The following FXYD3 variants were observed in gnomAD, a reference collection of about 807,000 sequenced individuals.
FXYD3 encodes the protein FXYD domain containing ion transport regulator 3.
In FXYD3, 13 loss-of-function variants were observed where a neutral mutation model predicts 19.2. The ratio of observed to expected loss-of-function variants is 0.68; its 90% confidence interval spans 0.44 to 1.08. The LOEUF is 1.08. Ranked by LOEUF, FXYD3 falls within the 50% of genes least tolerant of loss-of-function variation. The pLI, the probability that FXYD3 is intolerant of heterozygous loss-of-function variation, is 0.00. For missense variants in FXYD3, 101 were observed against 109.4 expected (o/e 0.92, Z 0.34); for synonymous variants, 48 against 38.9 (o/e 1.23, Z -0.87).
intron 2 of FXYD3, 72 bp from the exon 3 acceptor site, chr19:35,119,291 T>C: frequency 6.2e-7 from 1 of 1,609,808 alleles, no homozygotes; most frequent in Non-Finnish European, 8.5e-7. Flanking sequence ...GGGAGGAGGG[T>C]TGGGGAGCCA....
At chr19:35,117,325 G>A in intron 2 of FXYD3, 1 of 1,509,426 alleles carries the variant, frequency 6.6e-7, no homozygotes, top group Admixed American at 2.4e-5. Flanking sequence ...GGGTATAGTG[G>A]GGCCTTGCAG....
intron 2 of FXYD3, chr19:35,119,068 GGAC>G (rs10543115): frequency 0.67 from 563,527 of 839,904 alleles, 190,900 homozygotes; most frequent in Admixed American, 0.71. Context: ...TGTCCAGTGA[GGAC>G]AACAGCGGGC....
chr19:35,118,384 A>T (rs904720276), intron 2 of FXYD3: 83 of 603,502 alleles, frequency 1.4e-4, no homozygotes, highest in African/African-American at 4.9e-4. Flanking sequence ...AACAATTATG[A>T]TAACTATGCA....
intron 2 of FXYD3, chr19:35,116,572 C>A (rs1568382065): frequency 1.0e-6 from 1 of 985,192 alleles, no homozygotes; most frequent in Non-Finnish European, 1.2e-6. Context: ...CTTGTTGAAC[C>A]AGCTGAGGTG....
intron 2 of FXYD3, chr19:35,118,442 T>C (rs1225467911): frequency 3.0e-6 from 3 of 988,628 alleles, no homozygotes; most frequent in Admixed American, 6.1e-5. Context: ...GGGGAGGGCA[T>C]GCTCGGAGGC....
At chr19:35,116,721 C>T (rs1456815542) in intron 2 of FXYD3, 37 of 883,704 alleles carry the variant, frequency 4.2e-5, no homozygotes, top group African/African-American at 9.9e-5. Context: ...ACCAGGGGTG[C>T]GTAGATGGAC....
At chr19:35,116,488 C>G in intron 2 of FXYD3, 129 bp downstream of exon 2, 2 of 985,472 alleles carry the variant, frequency 2.0e-6, no homozygotes, top group Non-Finnish European at 2.4e-6. Context: ...TTGTGAAATG[C>G]TTTTCTGGAG....
At chr19:35,116,982 C>T (rs2064903949) in intron 2 of FXYD3, 1 of 985,112 alleles carries the variant, frequency 1.0e-6, no homozygotes, top group Non-Finnish European at 1.2e-6. Context: ...GACCATTCTC[C>T]CATGGTATGG....
chr19:35,119,213 ATC>A (rs758533020), intron 2 of FXYD3, 148 bp from the exon 3 acceptor site: 1 of 1,591,678 alleles, frequency 6.3e-7, no homozygotes, highest in Non-Finnish European at 8.6e-7. Flanking sequence ...GCTGCGGCTT[ATC>A]TCTCAGCCCA....
At chr19:35,122,562 T>C (rs1433977009) in intron 5 of FXYD3, 4 of 582,810 alleles carry the variant, frequency 6.9e-6, no homozygotes, top group Admixed American at 6.4e-5. Flanking sequence ...AAACCACTTA[T>C]CTCTGCCTGA....
chr19:35,121,335 G>A (rs1316378774), intron 5 of FXYD3, 90 bp downstream of exon 5: 15 of 1,613,940 alleles, frequency 9.3e-6, no homozygotes, highest in Non-Finnish European at 1.2e-5. Context: ...CCTGACGTGA[G>A]CATCACAGGA....
Position 35,123,537 on chromosome 19 carries a change from A to T in FXYD3, c.*80A>T. 1.3e-6 allele frequency: 2 copies of T among 1,482,442 alleles called. No individual in the cohort carries two copies. The highest frequency in any genetic ancestry group is 4.5e-5 in the East Asian group (2 of 44,182). 91.8% of individuals were successfully genotyped at this position (1,482,442 alleles called of 1,614,324 possible). ...GTCTCTGCACAGAAACTTGAACTCC[A>T]GGATGGAATTCTTCCTCCTCTGCTG... On this transcript the variant is annotated 3_prime_UTR_variant, in exon 9 of 9. Coordinates refer to ENST00000604404, the MANE Select transcript of FXYD3 (RefSeq NM_005971.4).
chr19:35,119,524 G>C, intron 3 of FXYD3, 108 bp downstream of exon 3: 6 of 996,922 alleles, frequency 6.0e-6, no homozygotes, highest in Non-Finnish European at 9.5e-6. Flanking sequence ...GGTGGTAAAT[G>C]TTAGAACAGC....
At position 35,115,893 on chromosome 19, in the gene FXYD3, A is replaced by C. The variant is rs2064875356; in HGVS notation, c.-177A>C. 1 of 152,206 alleles carries C rather than the reference A, an allele frequency of 6.6e-6. No individual in the cohort carries two copies. The highest frequency in any genetic ancestry group is 1.5e-5 in the Non-Finnish European group (1 of 68,054). 9.4% of individuals were successfully genotyped at this position (152,206 alleles called of 1,614,324 possible). On this transcript the variant is annotated 5_prime_UTR_variant, in exon 1 of 9. It removes the in-frame stop codon of an upstream open reading frame in the 5' UTR. Coordinates refer to ENST00000604404, the MANE Select transcript of FXYD3 (RefSeq NM_005971.4). ...AAGATGTGGCCTGGAAGGGGACTTT[A>C]AGTTCTCCACAACTGCCAGCAATCC...
chr19:35,116,888 G>A (rs1433003498), intron 2 of FXYD3: 1 of 974,508 alleles, frequency 1.0e-6, no homozygotes, highest in African/African-American at 1.8e-5. Flanking sequence ...TGGAGCTGCT[G>A]GGGGAAGCTT....
At position 35,116,316 on chromosome 19, in the gene FXYD3, C is replaced by T; in HGVS notation, c.-58C>T. ...TAAACGCAGGACTCCGCCTGGCAGC[C>T]CGATTTCTCCCGGAACCTCTGCTCA... On this transcript the variant is annotated 5_prime_UTR_variant, in exon 2 of 9. Transcript: ENST00000604404. 4.1e-6 allele frequency: 4 copies of T among 985,498 alleles called. No homozygotes were observed. The highest frequency in any genetic ancestry group is 4.8e-6 in the Non-Finnish European group (4 of 829,974). The allele number at this position is 985,498 out of a possible 1,614,324, so 61.0% of individuals were successfully genotyped here.
chr19:35,116,668 TGGA>T (rs2064892224), intron 2 of FXYD3: 1 of 984,624 alleles, frequency 1.0e-6, no homozygotes, highest in African/African-American at 1.8e-5. Flanking sequence ...GATAGCTGGG[TGGA>T]GGAGAGGGGG....
chr19:35,121,593 C>T, intron 5 of FXYD3: 1 of 1,326,280 alleles, frequency 7.5e-7, no homozygotes, highest in Non-Finnish European at 9.8e-7. Flanking sequence ...CTCCAGGTTC[C>T]AATGACCTGC....
intron 5 of FXYD3, 26 bp from the exon 6 acceptor site, chr19:35,122,739 T>G: frequency 6.3e-7 from 1 of 1,588,108 alleles, no homozygotes; most frequent in South Asian, 1.1e-5. Flanking sequence ...AGGCTGGCAC[T>G]GAGGTCCCCT....
Sources: allele counts gnomAD v4.1 joint callset, GRCh38; gene constraint gnomAD v4.1.1; transcripts MANE v1.5; gene names NCBI Gene and HGNC (gene_info 2026-07-23, HGNC 2026-07-21).